PDE11A: variants seen among roughly 807,000 people sequenced by gnomAD.
PDE11A encodes dual 3',5'-cyclic-AMP and -GMP phosphodiesterase 11A.
In PDE11A, 100 loss-of-function variants were observed where a neutral mutation model predicts 100.5. The observed-to-expected ratio is 1.00, with a 90% CI of 0.85 to 1.18. The LOEUF (loss-of-function observed/expected upper bound fraction) is 1.18, where lower values mean the gene tolerates loss of function less well. PDE11A is among the 50% of genes most tolerant of loss of function. The pLI is 0.00. For missense variants in PDE11A, 1,141 were observed against 1,152.6 expected, an observed-to-expected ratio of 0.99 and a Z score of 0.15; for synonymous variants, 381 against 420.8, an observed-to-expected ratio of 0.91 and a Z score of 1.16.
intron 9 of PDE11A, among the ~76,000 whole-genome samples, chr2:177,773,823 A>G (rs1006093975): frequency 6.6e-6 from 1 of 152,214 alleles, no homozygotes; most frequent in African/African-American, 2.4e-5. Context: ...GTTCTGAAGG[A>G]CTGGGCCCTA....
chr2:178,069,319 C>T (rs929059040), intron 1 of PDE11A, among the ~76,000 whole-genome samples: 73 of 151,496 alleles, frequency 4.8e-4, no homozygotes, highest in African/African-American at 1.6e-3. Context: ...GTGACTGTAG[C>T]GTCCCATAAT....
chr2:178,078,052 G>A (rs898916747), intron 2 of PDE11A, among the ~76,000 whole-genome samples: 4 of 152,068 alleles, frequency 2.6e-5, no homozygotes, highest in African/African-American at 9.7e-5. Context: ...AGCAGCCCTA[G>A]GAAACGAATG....
chr2:178,029,083 T>C (rs1004566611), intron 1 of PDE11A, among the ~76,000 whole-genome samples: 3 of 152,184 alleles, frequency 2.0e-5, no homozygotes, highest in Non-Finnish European at 2.9e-5. Context: ...ATAGGCATCA[T>C]TGGATATTGT....
chr2:177,995,332 A>C (rs1309261691), intron 2 of PDE11A, among the ~76,000 whole-genome samples: 1 of 152,226 alleles, frequency 6.6e-6, no homozygotes, highest in Non-Finnish European at 1.5e-5. Context: ...AAGCTGACCA[A>C]CTTTTGCTCA....
At chr2:178,046,578 A>G (rs1461233305) in intron 1 of PDE11A, among the ~76,000 whole-genome samples, 2 of 152,140 alleles carry the variant, frequency 1.3e-5, no homozygotes, top group Non-Finnish European at 2.9e-5. Flanking sequence ...AATAATAGTC[A>G]TTGAGTCAGA....
chr2:178,069,691 G>A (rs1300252687), intron 1 of PDE11A, among the ~76,000 whole-genome samples: 1 of 152,152 alleles, frequency 6.6e-6, no homozygotes, highest in African/African-American at 2.4e-5. Context: ...GGAAGCATCA[G>A]CTGCTGAAAA....
intron 2 of PDE11A, among the ~76,000 whole-genome samples, chr2:177,939,092 T>G (rs1037679741): frequency 3.9e-5 from 6 of 152,206 alleles, no homozygotes. Context: ...TCTGGTATTT[T>G]GTTATTCCAG....
chr2:177,857,055 C>A (rs1434086643), intron 5 of PDE11A, among the ~76,000 whole-genome samples: 1 of 151,894 alleles, frequency 6.6e-6, no homozygotes, highest in Non-Finnish European at 1.5e-5. Context: ...AAAACAACAG[C>A]AGAGATGTAA....
intron 10 of PDE11A, among the ~76,000 whole-genome samples, chr2:177,739,739 T>C (rs537935338): frequency 6.6e-6 from 1 of 152,316 alleles, no homozygotes; most frequent in South Asian, 2.1e-4. Context: ...TTTTTCACGG[T>C]CCCTCTATGC....
At chr2:177,943,100 A>G (rs1189433632) in intron 2 of PDE11A, among the ~76,000 whole-genome samples, 1 of 152,164 alleles carries the variant, frequency 6.6e-6, no homozygotes, top group African/African-American at 2.4e-5. Flanking sequence ...CAATACCACA[A>G]TATTGTTTTT....
chr2:177,682,197 C>T (rs2080875578), intron 15 of PDE11A, among the ~76,000 whole-genome samples: 1 of 152,206 alleles, frequency 6.6e-6, no homozygotes, highest in Non-Finnish European at 1.5e-5. Context: ...CAACTAACTG[C>T]CAATCAGGAA....
At chr2:177,766,013 C>G (rs1417129940) in intron 10 of PDE11A, among the ~76,000 whole-genome samples, 2 of 152,192 alleles carry the variant, frequency 1.3e-5, no homozygotes, top group Admixed American at 6.5e-5. Flanking sequence ...GGCTTAAGCT[C>G]TGAATCACTG....
At chr2:177,711,730 G>A in intron 13 of PDE11A, 39 bp downstream of exon 13, 1 of 1,112,830 alleles carries the variant, frequency 9.0e-7, no homozygotes, top group Non-Finnish European at 1.4e-6. Context: ...TGAACAGAAA[G>A]GCAAATGCAT....
Position 177,627,277 on chromosome 2 carries a change from C to A in PDE11A, c.*2130G>T, listed in dbSNP as rs1184786504. ...GGTCTCGATCTCCTGACCTCGTGAT[C>A]CGCCCGCCTCGGCCTTCCAAATTGC... On this transcript the variant is annotated 3_prime_UTR_variant, in exon 20 of 20. Coordinates refer to ENST00000286063, the MANE Select transcript of PDE11A (RefSeq NM_016953.4). 2.0e-5 allele frequency: 3 copies of A among 151,612 alleles called. No homozygotes were observed. The highest frequency in any genetic ancestry group is 7.3e-5 in the African/African-American group (3 of 41,268). 9.4% of individuals were successfully genotyped at this position (151,612 alleles called of 1,614,324 possible). A position where few individuals can be genotyped will look rare whatever the true frequency, so the allele number is the denominator to read the frequency against.
chr2:177,988,730 A>G (rs2085968690), intron 2 of PDE11A, among the ~76,000 whole-genome samples: 1 of 152,190 alleles, frequency 6.6e-6, no homozygotes, highest in African/African-American at 2.4e-5. Flanking sequence ...TGTCTGTGGC[A>G]CTGGGAATAA....
chr2:177,769,172 A>G (rs1443873811), intron 10 of PDE11A, 151 bp downstream of exon 10: 1 of 653,636 alleles, frequency 1.5e-6, no homozygotes, highest in African/African-American at 1.8e-5. Context: ...CTTCCCCTCT[A>G]AAACAGAAAT....
intron 15 of PDE11A, among the ~76,000 whole-genome samples, chr2:177,681,883 T>A (rs185147787): frequency 1.0e-3 from 155 of 152,338 alleles, no homozygotes; most frequent in African/African-American, 3.5e-3. Context: ...GAAATCAAAG[T>A]ATTTTATCCC....
chr2:178,034,126 A>T (rs547666626), intron 1 of PDE11A, among the ~76,000 whole-genome samples: 221 of 152,282 alleles, frequency 1.5e-3, no homozygotes, highest in African/African-American at 5.0e-3. Flanking sequence ...ATCAAGAGCC[A>T]TTGGTGTGCT....
upstream of PDE11A, among the ~76,000 whole-genome samples, chr2:178,076,533 G>T (rs1318949459): frequency 1.3e-5 from 2 of 152,162 alleles, no homozygotes; most frequent in African/African-American, 4.8e-5. Context: ...GCCAACCTCT[G>T]ATCTCATAGT....
Sources: gnomAD v4.1 joint callset for allele counts (sites outside exome capture counted in the v4.1 genomes callset) on GRCh38, gnomAD v4.1.1 for gene constraint, MANE v1.5 for transcripts, NCBI Gene and HGNC (gene_info 2026-07-23, HGNC 2026-07-21) for gene names.